Variants in TMEM132D observed in about 807,000 individuals in gnomAD.
TMEM132D encodes the protein transmembrane protein 132D.
A neutral mutation model predicts 62.3 loss-of-function variants in TMEM132D; 21 were observed. The ratio of observed to expected loss-of-function variants is 0.34; its 90% CI spans 0.24 to 0.49. The LOEUF is 0.49. Among genes scored for constraint, TMEM132D ranks in the 20% least tolerant of loss-of-function variants. The pLI is 0.99. For synonymous variants in TMEM132D, 621 were observed against 575.6 expected, an observed-to-expected ratio of 1.08 and a Z score of -1.13; for missense variants, 1,346 against 1,402.8, an observed-to-expected ratio of 0.96 and a Z score of 0.65.
intron 2 of TMEM132D, among the ~76,000 whole-genome samples, chr12:129,586,081 A>G (rs1466324314): frequency 1.3e-5 from 2 of 151,106 alleles, no homozygotes; most frequent in East Asian, 1.9e-4. Flanking sequence ...CCAGGCACAC[A>G]TTGTACTGTG....
At chr12:129,236,120 G>C (rs942884600) in intron 4 of TMEM132D, among the ~76,000 whole-genome samples, 16 of 134,900 alleles carry the variant, frequency 1.2e-4, no homozygotes, top group African/African-American at 1.7e-4. Context: ...GTGTGTGTGT[G>C]TGTGTGTGTG....
intron 5 of TMEM132D, among the ~76,000 whole-genome samples, chr12:129,151,032 T>C (rs1208914138): frequency 6.6e-6 from 1 of 152,134 alleles, no homozygotes; most frequent in Non-Finnish European, 1.5e-5. Flanking sequence ...CCAGGGCTGC[T>C]CTCATGGATG....
At chr12:129,553,577 G>A (rs1876963441) in intron 2 of TMEM132D, among the ~76,000 whole-genome samples, 2 of 152,154 alleles carry the variant, frequency 1.3e-5, no homozygotes, top group African/African-American at 4.8e-5. Flanking sequence ...TGTAACACCT[G>A]CCCATTTCCA....
chr12:129,470,322 G>C (rs370852291), intron 3 of TMEM132D, among the ~76,000 whole-genome samples: 1 of 152,142 alleles, frequency 6.6e-6, no homozygotes, highest in East Asian at 1.9e-4. Context: ...CTAAGATTTT[G>C]TTTTTTTAAA....
At chr12:129,537,645 G>A (rs1223730224) in intron 2 of TMEM132D, among the ~76,000 whole-genome samples, 1 of 152,140 alleles carries the variant, frequency 6.6e-6, no homozygotes, top group Non-Finnish European at 1.5e-5. Context: ...CATTTTTGCT[G>A]TCTTGCTAAC....
At chr12:129,486,941 A>T (rs1874598593) in intron 3 of TMEM132D, among the ~76,000 whole-genome samples, 1 of 152,012 alleles carries the variant, frequency 6.6e-6, no homozygotes, top group African/African-American at 2.4e-5. Flanking sequence ...AACAAATAAG[A>T]ATAGTTAGCT....
chr12:129,487,029 T>A (rs560135382), intron 3 of TMEM132D, among the ~76,000 whole-genome samples: 1,632 of 106,134 alleles, frequency 0.015, 25 homozygotes, highest in African/African-American at 0.045. Context: ...AATGTTTGCG[T>A]ATGGGGGGGG....
chr12:129,178,433 GTTTT>G (rs60615317), intron 5 of TMEM132D, among the ~76,000 whole-genome samples: 22 of 140,944 alleles, frequency 1.6e-4, no homozygotes, highest in Admixed American at 1.5e-3. Context: ...ACCAGCATCT[GTTTT>G]TTTTTTTTTT....
chr12:129,752,150 C>A (rs1033738063), intron 1 of TMEM132D, among the ~76,000 whole-genome samples: 1 of 152,044 alleles, frequency 6.6e-6, no homozygotes, highest in African/African-American at 2.4e-5. Context: ...ATCTATATAA[C>A]TTCAATATTT....
intron 2 of TMEM132D, among the ~76,000 whole-genome samples, chr12:129,640,454 C>G (rs1323694709): frequency 2.0e-5 from 3 of 152,208 alleles, no homozygotes; most frequent in Non-Finnish European, 4.4e-5. Context: ...GATGTCTGCT[C>G]AAATTCACCT....
intron 5 of TMEM132D, among the ~76,000 whole-genome samples, chr12:129,168,632 G>C (rs1877631243): frequency 6.6e-6 from 1 of 152,144 alleles, no homozygotes; most frequent in African/African-American, 2.4e-5. Context: ...TCCCCCAGGG[G>C]GGTTCCACCT....
At chr12:129,206,686 A>G (rs958583997) in intron 5 of TMEM132D, among the ~76,000 whole-genome samples, 2 of 152,234 alleles carry the variant, frequency 1.3e-5, no homozygotes, top group African/African-American at 4.8e-5. Context: ...ACAATAGCAA[A>G]GACATGAAAT....
intron 2 of TMEM132D, among the ~76,000 whole-genome samples, chr12:129,557,335 T>C (rs898502337): frequency 1.3e-5 from 2 of 152,158 alleles, no homozygotes; most frequent in African/African-American, 4.8e-5. Context: ...ACAGACAGTA[T>C]AATGGTGACT....
At chr12:129,265,459 G>GT (rs1880661202) in intron 4 of TMEM132D, among the ~76,000 whole-genome samples, 1 of 152,142 alleles carries the variant, frequency 6.6e-6, no homozygotes, top group African/African-American at 2.4e-5. Flanking sequence ...TATAAGCATG[G>GT]TAAGTAATCC....
At chr12:129,694,654 A>C (rs1881152216) in intron 2 of TMEM132D, among the ~76,000 whole-genome samples, 1 of 152,210 alleles carries the variant, frequency 6.6e-6, no homozygotes, top group East Asian at 1.9e-4. Context: ...GCTGTAACCA[A>C]TCCAGCTGTT....
At chr12:129,281,275 A>C (rs538215746) in intron 4 of TMEM132D, among the ~76,000 whole-genome samples, 2 of 152,198 alleles carry the variant, frequency 1.3e-5, no homozygotes, top group African/African-American at 2.4e-5. Context: ...CCCCCACTTC[A>C]GATTTATAGT....
At chr12:129,525,161 G>A (rs1875985227) in intron 3 of TMEM132D, among the ~76,000 whole-genome samples, 2 of 144,002 alleles carry the variant, frequency 1.4e-5, no homozygotes, top group South Asian at 2.2e-4. Context: ...TCCTGACTTC[G>A]TGATCTGCCC....
At chr12:129,859,610 G>A (rs959470615) in intron 1 of TMEM132D, among the ~76,000 whole-genome samples, 2 of 152,150 alleles carry the variant, frequency 1.3e-5, no homozygotes, top group South Asian at 2.1e-4. Flanking sequence ...CAGTGTGGGC[G>A]GGCACCAACC....
chr12:129,553,870 G>A lies in TMEM132D; in HGVS notation c.969-22665C>T, dbSNP rs540061179. 3.3e-5 allele frequency among the ~76,000 whole-genome samples: 5 copies of A among 152,216 alleles called. No individual in the cohort carries two copies. The South Asian group carries it at 6.2e-4, about 19-fold the overall frequency. On this transcript the variant is annotated intron_variant, in intron 2 of 8. Transcript: ENST00000422113. The stretch of plus-strand genomic sequence containing the variant: ...ATCCTCAACCCCTAAGTAAGTTAAC[G>A]CAAGTGGACTCCATGGGAGAAATGT...
Sources: allele counts gnomAD v4.1 joint callset (sites outside exome capture counted in the v4.1 genomes callset), GRCh38; gene constraint gnomAD v4.1.1; transcripts MANE v1.5; gene names NCBI Gene and HGNC (gene_info 2026-07-23, HGNC 2026-07-21).